Variants in PHF2 observed in about 807,000 individuals in gnomAD.
PHF2 encodes lysine-specific demethylase PHF2.
PHF2 carries 27 observed loss-of-function variants against 120.5 expected under a neutral mutation model. The observed-to-expected ratio is 0.22, with a 90% CI of 0.17 to 0.31. PHF2 has a LOEUF of 0.31. PHF2 is among the 10% of genes least tolerant of loss of function. The pLI is 1.00. For missense variants in PHF2, 1,024 were observed against 1,434.8 expected (o/e 0.71, Z 4.63); for synonymous variants, 568 against 592.5 (o/e 0.96, Z 0.60).
chr9:93,644,292 A>C (rs937781217), intron 3 of PHF2, among the ~76,000 whole-genome samples: 1 of 151,768 alleles, frequency 6.6e-6, no homozygotes, highest in Admixed American at 6.6e-5. Flanking sequence ...AGGCTGAGGC[A>C]GGAGAATTGC....
intron 1 of PHF2, among the ~76,000 whole-genome samples, chr9:93,606,093 C>T (rs1021435730): frequency 1.3e-5 from 2 of 152,038 alleles, no homozygotes; most frequent in Non-Finnish European, 2.9e-5. Context: ...CCCACCCCAG[C>T]CTCCTAAGTA....
chr9:93,586,081 C>T (rs564645838), intron 1 of PHF2, among the ~76,000 whole-genome samples: 1 of 152,348 alleles, frequency 6.6e-6, no homozygotes, highest in Non-Finnish European at 1.5e-5. Context: ...AGTATAGAAA[C>T]TGCAGCCTTA....
rs368023825 is a variant in PHF2 at position 93,620,959 on chromosome 9, A to G, written c.99-9011A>G. ...AGCTCACTGTGCTGGAGCTTGCACA[A>G]TCGAAGCCCTGGATCCTCGTTAGGT... On this transcript the variant is annotated intron_variant, in intron 1 of 21. Transcript: ENST00000359246. Among the ~76,000 whole-genome samples, 695 of 152,352 alleles carry G rather than the reference A, an allele frequency of 4.6e-3. 7 individuals carry two copies. Among genetic ancestry groups the G allele is most frequent in the African/African-American group, 0.015 (615 of 41,574 alleles).
At chr9:93,620,838 AG>A (rs1461859299) in intron 1 of PHF2, among the ~76,000 whole-genome samples, 1 of 152,222 alleles carries the variant, frequency 6.6e-6, no homozygotes, top group African/African-American at 2.4e-5. Flanking sequence ...ATAATTTCTT[AG>A]GGGGCATTTA....
intron 10 of PHF2, among the ~76,000 whole-genome samples, chr9:93,659,060 G>A (rs1235332436): frequency 6.6e-6 from 1 of 152,242 alleles, no homozygotes; most frequent in Non-Finnish European, 1.5e-5. Context: ...AGGGAATACA[G>A]GCTGCAGGGA....
At position 93,645,776 on chromosome 9, in the gene PHF2, C is replaced by A; in HGVS notation, c.447C>A (p.Val149=). The A allele has an allele frequency of 2.5e-6, 4 of 1,597,052 alleles. No individual in the cohort carries two copies. The highest frequency in any genetic ancestry group is 3.4e-6 in the Non-Finnish European group (4 of 1,171,494). ...VPAPTFYVSD[V]ENYVGPERSV... ...CCCCCACGTTCTATGTCAGTGACGTCGAGAACTACGTGGGTAAGCGCCATC... is the reference window on the plus strand; with the variant it reads ...CCCCCACGTTCTATGTCAGTGACGTAGAGAACTACGTGGGTAAGCGCCATC... The change falls in exon 4 of 22, where the codon GTC becomes GTA. Residue 149 remains valine, a synonymous_variant. Transcript: ENST00000359246.
chr9:93,659,627 G>A (rs1257488354), intron 11 of PHF2, 27 bp downstream of exon 11: 45 of 1,597,298 alleles, frequency 2.8e-5, no homozygotes, highest in Non-Finnish European at 3.7e-5. Flanking sequence ...GTGCTGGGCT[G>A]GACCCCTGGG....
intron 1 of PHF2, among the ~76,000 whole-genome samples, chr9:93,608,709 A>G (rs1427116125): frequency 6.6e-6 from 1 of 152,144 alleles, no homozygotes. Context: ...TGTCTAGGCT[A>G]TTGAATTTGT....
chr9:93,579,925 G>T (rs548454283), intron 1 of PHF2, among the ~76,000 whole-genome samples: 43 of 152,360 alleles, frequency 2.8e-4, no homozygotes, highest in African/African-American at 1.0e-3. Flanking sequence ...ATCCCTCCCA[G>T]TGTTCTTGCC....
In PHF2 at chr9:93,576,706, C is replaced by CCCCGG. The variant is rs1173019561; in HGVS notation, c.-57_-53dup. The CCCCGG allele has an allele frequency of 9.4e-6, 6 of 641,696 alleles. No individual in the cohort carries two copies. Among genetic ancestry groups the CCCCGG allele is most frequent in the African/African-American group, 6.1e-5 (3 of 49,516 alleles). The allele number at this position is 641,696 out of a possible 1,614,324, so 39.8% of individuals were successfully genotyped here. The stretch of plus-strand genomic sequence containing the variant: ...CCCCGCCGCCCCCGCGCGGCCCGGC[C>CCCCGG]CCCGGCCCGGCCCGGACCGACCCGG... On this transcript the variant is annotated 5_prime_UTR_variant, in exon 1 of 22. Coordinates refer to ENST00000359246, the MANE Select transcript of PHF2 (RefSeq NM_005392.4).
At chr9:93,655,886 G>A (rs367718324) in intron 7 of PHF2, 48 bp from the exon 8 acceptor site, 52 of 1,421,850 alleles carry the variant, frequency 3.7e-5, no homozygotes, top group Non-Finnish European at 5.0e-5. Context: ...TGAGAAGCCC[G>A]TTCATGGGAG....
At chr9:93,583,029 A>G (rs1212759893) in intron 1 of PHF2, among the ~76,000 whole-genome samples, 1 of 152,178 alleles carries the variant, frequency 6.6e-6, no homozygotes, top group Non-Finnish European at 1.5e-5. Context: ...TCACTCCTAA[A>G]GTAAACCCGG....
chr9:93,664,835 G>A (rs555732576), intron 14 of PHF2, among the ~76,000 whole-genome samples: 9 of 152,376 alleles, frequency 5.9e-5, no homozygotes, highest in South Asian at 4.1e-4. Flanking sequence ...CTGTGGACAC[G>A]TGTGTTCTGC....
At chr9:93,595,643 T>C (rs10117691) in intron 1 of PHF2, among the ~76,000 whole-genome samples, 67,118 of 152,058 alleles carry the variant, frequency 0.44, 15,562 homozygotes, top group African/African-American at 0.58. Context: ...GACCGAGATT[T>C]GCATCTTCTG....
At chr9:93,668,675 C>T (rs1481126528) in intron 17 of PHF2, among the ~76,000 whole-genome samples, 3 of 152,148 alleles carry the variant, frequency 2.0e-5, no homozygotes, top group Non-Finnish European at 4.4e-5. Flanking sequence ...GTGTCCTGGG[C>T]TCCCCGCTGT....
chr9:93,677,972 A>G lies in PHF2; in HGVS notation c.*296A>G, dbSNP rs1336602480. The stretch of plus-strand genomic sequence containing the variant: ...TTAAGGACAGCCTTCAGGCCCCCTG[A>G]GCGTGGGTGTGATTGCAGGGCCTCT... On this transcript the variant is annotated 3_prime_UTR_variant, in exon 22 of 22. Transcript: ENST00000359246. This position sits in a 1 kb window ranked among gnomAD's most constrained non-coding sequence, Gnocchi z 4.4. The G allele has an allele frequency of 2.8e-6, 1 of 360,038 alleles. No homozygotes were observed. Among genetic ancestry groups the G allele is most frequent in the Non-Finnish European group, 5.1e-6 (1 of 197,558 alleles). The allele number at this position is 360,038 out of a possible 1,614,324, so 22.3% of individuals were successfully genotyped here. A position where few individuals can be genotyped will look rare whatever the true frequency, so the allele number is the denominator to read the frequency against.
At chr9:93,650,178 T>A (rs1826342567) in intron 5 of PHF2, among the ~76,000 whole-genome samples, 2 of 150,484 alleles carry the variant, frequency 1.3e-5, no homozygotes, top group East Asian at 3.9e-4. Context: ...CCAACACACC[T>A]GTGACACGTT....
At chr9:93,596,252 C>A (rs1487176156) in intron 1 of PHF2, among the ~76,000 whole-genome samples, 3 of 152,100 alleles carry the variant, frequency 2.0e-5, no homozygotes, top group Admixed American at 6.6e-5. Flanking sequence ...GAGTGGAGGG[C>A]AAGCTGCATG....
chr9:93,653,309 T>C lies in PHF2; in HGVS notation c.733T>C (p.Tyr245His). The C allele has an allele frequency of 6.2e-7, 1 of 1,614,014 alleles. No individual in the cohort carries two copies. Among genetic ancestry groups the C allele is most frequent in the Non-Finnish European group, 8.5e-7 (1 of 1,180,028 alleles). Residue 245 changes from tyrosine (Y) to histidine (H), a missense_variant, in exon 6 of 22, where the codon TAC becomes CAC. Physicochemically the swap from Tyr to His is moderately conservative, Grantham distance 83. Coordinates refer to ENST00000359246, the MANE Select transcript of PHF2 (RefSeq NM_005392.4). ...CTGCCTAATCTGCGTGAAGGACAGT[T>C]ACACCGACTTCCACATCGACTCTGG... is the stretch of plus-strand genomic sequence containing the variant. ...KYCLICVKDS[Y>H]TDFHIDSGGA...
Sources: gnomAD v4.1 joint callset for allele counts (sites outside exome capture counted in the v4.1 genomes callset) on GRCh38, gnomAD v4.1.1 for gene constraint, Gnocchi (gnomAD v3.1) non-coding constraint, MANE v1.5 for transcripts, NCBI Gene and HGNC (gene_info 2026-07-23, HGNC 2026-07-21) for gene names.